UBE2E2: variants seen among roughly 807,000 people sequenced by gnomAD.
UBE2E2 encodes the protein ubiquitin conjugating enzyme E2 E2.
UBE2E2 carries 6 observed loss-of-function variants against 24.7 expected under a neutral mutation model. That is an observed-to-expected ratio of 0.24 (90% CI 0.13 to 0.48). UBE2E2 has a LOEUF of 0.48. UBE2E2 is among the 20% of genes least tolerant of loss of function. The pLI, the probability that UBE2E2 is intolerant of heterozygous loss-of-function variation, is 0.99. For synonymous variants in UBE2E2, 104 were observed against 83.6 expected (o/e 1.24, Z -1.33); for missense variants, 169 against 245.0 (o/e 0.69, Z 2.07).
At chr3:23,218,524 A>G (rs1696542353) in intron 3 of UBE2E2, among the ~76,000 whole-genome samples, 1 of 152,082 alleles carries the variant, frequency 6.6e-6, no homozygotes, top group African/African-American at 2.4e-5. Context: ...TTTGTTTCTT[A>G]GGATAATATT....
At chr3:23,291,083 A>AAC (rs1553599226) in intron 3 of UBE2E2, among the ~76,000 whole-genome samples, 10 of 117,608 alleles carry the variant, frequency 8.5e-5, no homozygotes, top group Non-Finnish European at 1.2e-4. Flanking sequence ...AAAAAAAAAC[A>AAC]AAAAACGTGA....
chr3:23,574,093 C>T (rs187637289), intron 5 of UBE2E2, among the ~76,000 whole-genome samples: 14 of 152,224 alleles, frequency 9.2e-5, no homozygotes, highest in Admixed American at 2.0e-4. Context: ...AGCTGGAGGT[C>T]ATTATGTTAA....
At chr3:23,284,253 A>G (rs1698556228) in intron 3 of UBE2E2, among the ~76,000 whole-genome samples, 1 of 152,166 alleles carries the variant, frequency 6.6e-6, no homozygotes, top group African/African-American at 2.4e-5. Context: ...ATTATTGAAG[A>G]GACAATTTTT....
chr3:23,230,851 A>G (rs1559448679), intron 3 of UBE2E2, among the ~76,000 whole-genome samples: 1 of 151,972 alleles, frequency 6.6e-6, no homozygotes, highest in Non-Finnish European at 1.5e-5. Flanking sequence ...GGGTCATGAC[A>G]GCAGTGATGA....
At chr3:23,498,242 A>T (rs1699647738) in intron 3 of UBE2E2, among the ~76,000 whole-genome samples, 1 of 152,130 alleles carries the variant, frequency 6.6e-6, no homozygotes, top group Non-Finnish European at 1.5e-5. Flanking sequence ...GTCAAACTCT[A>T]ATATTTTGAC....
At chr3:23,206,242 C>T (rs1188254440) in intron 1 of UBE2E2, among the ~76,000 whole-genome samples, 1 of 151,728 alleles carries the variant, frequency 6.6e-6, no homozygotes, top group Non-Finnish European at 1.5e-5. Context: ...TCTGATATGC[C>T]ATTATGTACA....
chr3:23,225,333 G>A (rs1410513211), intron 3 of UBE2E2, among the ~76,000 whole-genome samples: 1 of 149,730 alleles, frequency 6.7e-6, no homozygotes, highest in Admixed American at 6.7e-5. Flanking sequence ...TTCTTTTGTT[G>A]TTTGTGCATT....
At chr3:23,230,831 G>T (rs1696956146) in intron 3 of UBE2E2, among the ~76,000 whole-genome samples, 1 of 151,764 alleles carries the variant, frequency 6.6e-6, no homozygotes, top group African/African-American at 2.4e-5. Flanking sequence ...ATTTTTCCTG[G>T]AGAGGTGAAG....
At chr3:23,510,136 G>C (rs1694559592) in intron 4 of UBE2E2, among the ~76,000 whole-genome samples, 1 of 152,170 alleles carries the variant, frequency 6.6e-6, no homozygotes, top group South Asian at 2.1e-4. Context: ...ATGAGACAGA[G>C]AGAAATGAAT....
At chr3:23,358,937 A>G (rs1427649999) in intron 3 of UBE2E2, among the ~76,000 whole-genome samples, 1 of 152,196 alleles carries the variant, frequency 6.6e-6, no homozygotes, top group African/African-American at 2.4e-5. Flanking sequence ...GACCAAGGGT[A>G]CCTAGCCACA....
intron 3 of UBE2E2, among the ~76,000 whole-genome samples, chr3:23,235,715 TAGG>T: frequency 6.6e-6 from 1 of 152,012 alleles, no homozygotes; most frequent in Non-Finnish European, 1.5e-5. Flanking sequence ...ATGGCAGAGT[TAGG>T]GGGACTGTTA....
At chr3:23,545,066 A>C (rs1377589636) in intron 5 of UBE2E2, among the ~76,000 whole-genome samples, 1 of 151,812 alleles carries the variant, frequency 6.6e-6, no homozygotes, top group Middle Eastern at 3.4e-3. Context: ...GTTTTTCCCT[A>C]TCTCAGTAGA....
intron 3 of UBE2E2, among the ~76,000 whole-genome samples, chr3:23,304,003 A>G (rs1328106021): frequency 1.3e-5 from 2 of 152,228 alleles, no homozygotes; most frequent in African/African-American, 4.8e-5. Context: ...GGGCTTTAGC[A>G]CAGCTACTAC....
chr3:23,313,260 T>G (rs1404407241), intron 3 of UBE2E2, among the ~76,000 whole-genome samples: 4 of 152,166 alleles, frequency 2.6e-5, no homozygotes, highest in Admixed American at 6.5e-5. Context: ...TTTGTCTGAT[T>G]ATAGCTACTC....
chr3:23,236,662 A>G (rs1017018478), intron 3 of UBE2E2, among the ~76,000 whole-genome samples: 2 of 152,102 alleles, frequency 1.3e-5, no homozygotes, highest in East Asian at 3.9e-4. Flanking sequence ...TGGTCGACAT[A>G]TATTCTTCTT....
Position 23,299,787 on chromosome 3 carries a change from A to AT in UBE2E2, c.227+82476dup, listed in dbSNP as rs1266738411. On this transcript the variant is annotated intron_variant, in intron 3 of 5. Transcript: ENST00000396703. ...TGATTTGGGGTGGAGAGTTCTGTAGATGTCTATTAGGTCCACTTGGTGCAG... is the reference window on the plus strand; with the variant it reads ...TGATTTGGGGTGGAGAGTTCTGTAGATTGTCTATTAGGTCCACTTGGTGCAG... 1.9e-4 allele frequency among the ~76,000 whole-genome samples: 29 copies of AT among 152,102 alleles called. 1 individual carries two copies. The highest frequency in any genetic ancestry group is 1.9e-3 in the Admixed American group (29 of 15,262).
chr3:23,284,342 T>TTA (rs890129780), intron 3 of UBE2E2, among the ~76,000 whole-genome samples: 3 of 152,138 alleles, frequency 2.0e-5, no homozygotes, highest in African/African-American at 7.2e-5. Flanking sequence ...CTTTTTGGCC[T>TTA]TATTTGAGCT....
chr3:23,246,237 T>TTTTTC (rs1553634256), intron 3 of UBE2E2, among the ~76,000 whole-genome samples: 3 of 139,470 alleles, frequency 2.2e-5, no homozygotes, highest in African/African-American at 2.7e-5. Context: ...TTTTTTTTTT[T>TTTTTC]CGAGATGGAG....
At chr3:23,406,767 G>T (rs1397719238) in intron 3 of UBE2E2, among the ~76,000 whole-genome samples, 2 of 152,182 alleles carry the variant, frequency 1.3e-5, no homozygotes, top group Non-Finnish European at 2.9e-5. Context: ...CCAACATAAA[G>T]AAAATCTGTA....
Sources: allele counts gnomAD v4.1 joint callset (sites outside exome capture counted in the v4.1 genomes callset), GRCh38; gene constraint gnomAD v4.1.1; transcripts MANE v1.5; gene names NCBI Gene and HGNC (gene_info 2026-07-23, HGNC 2026-07-21).